The following AGBL1 variants were observed in gnomAD, a reference collection of about 807,000 sequenced individuals.
AGBL1 encodes the protein AGBL carboxypeptidase 1, also known as cytosolic carboxypeptidase 4.
A neutral mutation model predicts 118.9 loss-of-function variants in AGBL1; 130 were observed. The ratio of observed to expected loss-of-function variants is 1.09; its 90% CI spans 0.95 to 1.26. The LOEUF is 1.26. Among genes scored for constraint, AGBL1 ranks in the 50% most tolerant of loss-of-function variants. AGBL1 has a pLI of 0.00. For missense variants in AGBL1, 1,584 were observed against 1,298.1 expected (o/e 1.22, Z -3.38); for synonymous variants, 555 against 478.9 (o/e 1.16, Z -2.08).
intron 21 of AGBL1, among the ~76,000 whole-genome samples, chr15:86,575,682 T>C (rs1358958761): frequency 6.6e-6 from 1 of 151,830 alleles, no homozygotes; most frequent in African/African-American, 2.4e-5. Flanking sequence ...CTTGACTTCC[T>C]GGGCTCAAGT....
At chr15:86,967,551 C>A (rs940511577) in intron 23 of AGBL1, among the ~76,000 whole-genome samples, 1 of 152,120 alleles carries the variant, frequency 6.6e-6, no homozygotes, top group African/African-American at 2.4e-5. Flanking sequence ...TATGGCTAGC[C>A]AGTTTTCCCA....
intron 6 of AGBL1, among the ~76,000 whole-genome samples, chr15:86,235,633 T>C (rs1230607109): frequency 3.3e-5 from 5 of 152,256 alleles, no homozygotes; most frequent in Admixed American, 3.3e-4. Context: ...CCTAAGGTGT[T>C]TCCTAGCACC....
chr15:86,418,373 G>T (rs185574861), intron 18 of AGBL1, among the ~76,000 whole-genome samples: 1 of 152,194 alleles, frequency 6.6e-6, no homozygotes, highest in Non-Finnish European at 1.5e-5. Flanking sequence ...CTGAAGGCCT[G>T]TTAAGCTCTG....
intron 23 of AGBL1, among the ~76,000 whole-genome samples, chr15:86,937,196 T>G: frequency 6.6e-6 from 1 of 152,344 alleles, no homozygotes; most frequent in South Asian, 2.1e-4. Context: ...ACTTATTCAC[T>G]GTTAGTGGGA....
intron 22 of AGBL1, among the ~76,000 whole-genome samples, chr15:86,674,980 G>T (rs1319843733): frequency 1.3e-5 from 2 of 152,144 alleles, no homozygotes; most frequent in Non-Finnish European, 2.9e-5. Context: ...GAGAATCGTG[G>T]AGATTATTAA....
chr15:86,418,482 A>T (rs749353381), intron 18 of AGBL1, among the ~76,000 whole-genome samples: 20 of 152,178 alleles, frequency 1.3e-4, no homozygotes, highest in Non-Finnish European at 2.8e-4. Context: ...GCTGGTTTTT[A>T]TGAGTTCTAC....
At chr15:86,571,802 G>A (rs2084011963) in intron 21 of AGBL1, among the ~76,000 whole-genome samples, 1 of 152,164 alleles carries the variant, frequency 6.6e-6, no homozygotes, top group South Asian at 2.1e-4. Context: ...TGGTCTGGGG[G>A]TCTCGTGGCC....
At chr15:86,410,996 A>T (rs1322848103) in intron 18 of AGBL1, among the ~76,000 whole-genome samples, 1 of 142,904 alleles carries the variant, frequency 7.0e-6, no homozygotes, top group Non-Finnish European at 1.5e-5. Context: ...TGATTTTAAA[A>T]TTATGGGGCA....
chr15:86,102,985 C>T (rs1029196723), intron 1 of AGBL1, among the ~76,000 whole-genome samples: 2 of 152,102 alleles, frequency 1.3e-5, no homozygotes, highest in Non-Finnish European at 2.9e-5. Context: ...TCTCATATGT[C>T]ATGTAGGGTT....
chr15:87,028,896 C>T, exon 25 of AGBL1: 21 of 1,552,688 alleles, frequency 1.4e-5, no homozygotes, highest in African/African-American at 4.1e-5. Flanking sequence ...CCCAGCTCCT[C>T]CTGGATCTGT....
At chr15:86,921,693 G>C (rs1027091649) in intron 23 of AGBL1, among the ~76,000 whole-genome samples, 3 of 152,218 alleles carry the variant, frequency 2.0e-5, no homozygotes, top group Admixed American at 1.3e-4. Context: ...GGAATAGGAT[G>C]CAGTAGAAGG....
intron 17 of AGBL1, among the ~76,000 whole-genome samples, chr15:86,363,428 C>G (rs191597805): frequency 6.6e-6 from 1 of 152,036 alleles, no homozygotes; most frequent in South Asian, 2.1e-4. Flanking sequence ...TCTTCCTTGT[C>G]AAAACAAGCA....
At chr15:86,205,218 A>C (rs959825624) in intron 5 of AGBL1, among the ~76,000 whole-genome samples, 1 of 152,162 alleles carries the variant, frequency 6.6e-6, no homozygotes, top group African/African-American at 2.4e-5. Context: ...TAGCTTTTTC[A>C]GATTGGCTGC....
Position 86,261,317 on chromosome 15 carries a change from G to T in AGBL1, c.970-1461G>T, listed in dbSNP as rs545653112. 3.3e-5 allele frequency among the ~76,000 whole-genome samples: 5 copies of T among 152,260 alleles called. No individual in the cohort carries two copies. The East Asian group carries it at 5.8e-4, about 18-fold the overall frequency. Reference sequence around the variant, plus strand: ...GGCCATGGCTGAGGTTGCAGTGGAGGGGGTGAAGGCAAGCAGGAATTGATG... The same window carrying T: ...GGCCATGGCTGAGGTTGCAGTGGAGTGGGTGAAGGCAAGCAGGAATTGATG... On this transcript the variant is annotated intron_variant, in intron 9 of 22. Coordinates refer to ENST00000614907, the MANE Select transcript of AGBL1 (RefSeq NM_001386094.1).
chr15:86,172,732 A>T (rs1219712086), intron 5 of AGBL1, among the ~76,000 whole-genome samples: 1 of 152,206 alleles, frequency 6.6e-6, no homozygotes, highest in Non-Finnish European at 1.5e-5. Flanking sequence ...GACCACATTT[A>T]AAAAATCCAT....
chr15:86,515,659 C>A (rs1194434422), intron 18 of AGBL1, among the ~76,000 whole-genome samples: 2 of 152,116 alleles, frequency 1.3e-5, no homozygotes, highest in African/African-American at 2.4e-5. Flanking sequence ...CAGCTGGTTG[C>A]AATGGATGAC....
intron 21 of AGBL1, among the ~76,000 whole-genome samples, chr15:86,573,964 T>C (rs1220764769): frequency 1.3e-5 from 2 of 152,202 alleles, no homozygotes; most frequent in Non-Finnish European, 2.9e-5. Context: ...CAAAATGATG[T>C]ATAGTTTACA....
intron 18 of AGBL1, among the ~76,000 whole-genome samples, chr15:86,442,990 G>A (rs962097999): frequency 6.6e-6 from 1 of 152,222 alleles, no homozygotes; most frequent in African/African-American, 2.4e-5. Context: ...GGGCAGGATC[G>A]TGGGTGTTAC....
chr15:86,408,113 T>C (rs994031935), intron 18 of AGBL1, among the ~76,000 whole-genome samples: 2 of 152,128 alleles, frequency 1.3e-5, no homozygotes, highest in Non-Finnish European at 2.9e-5. Context: ...TTTCTCAATC[T>C]CTCTCTTTCT....
Sources: gnomAD v4.1 joint callset for allele counts (sites outside exome capture counted in the v4.1 genomes callset) on GRCh38, gnomAD v4.1.1 for gene constraint, MANE v1.5 for transcripts, NCBI Gene and HGNC (gene_info 2026-07-23, HGNC 2026-07-21) for gene names.